The following EFCAB13 variants were observed in gnomAD, a reference collection of about 807,000 sequenced individuals.
EFCAB13 encodes EF-hand calcium-binding domain-containing protein 13.
Under a neutral mutation model 110.2 loss-of-function variants are expected in EFCAB13, and 91 were observed. The ratio of observed to expected loss-of-function variants is 0.83; its 90% CI spans 0.70 to 0.98. EFCAB13 has a LOEUF of 0.98. Ranked by LOEUF, EFCAB13 falls within the 50% of genes least tolerant of loss-of-function variation. The pLI is 0.00. For synonymous variants in EFCAB13, 323 were observed against 369.9 expected (o/e 0.87, Z 1.45); for missense variants, 968 against 1,119.4 (o/e 0.86, Z 1.93).
chr17:47,341,650 C>T (rs1025446822), intron 5 of EFCAB13, among the ~76,000 whole-genome samples: 2 of 151,960 alleles, frequency 1.3e-5, no homozygotes, highest in Non-Finnish European at 2.9e-5. Context: ...TGTGCACCTC[C>T]GTACCCAGCC....
At chr17:47,411,662 T>A (rs1328598213) in intron 21 of EFCAB13, among the ~76,000 whole-genome samples, 1 of 152,188 alleles carries the variant, frequency 6.6e-6, no homozygotes, top group Non-Finnish European at 1.5e-5. Context: ...AGGTCTAAGA[T>A]GATATTATGG....
intron 10 of EFCAB13, among the ~76,000 whole-genome samples, chr17:47,362,332 G>A (rs2065518929): frequency 6.6e-6 from 1 of 152,190 alleles, no homozygotes; most frequent in Non-Finnish European, 1.5e-5. Flanking sequence ...CCAGAAGACA[G>A]GAGTGTGAGC....
chr17:47,386,971 A>G (rs554606282), intron 14 of EFCAB13, among the ~76,000 whole-genome samples: 1 of 135,908 alleles, frequency 7.4e-6, no homozygotes, highest in East Asian at 2.5e-4. Flanking sequence ...GGCTGCACCC[A>G]CTGCCCAACC....
At chr17:47,328,481 G>A in intron 4 of EFCAB13, 98 bp downstream of exon 4, 2 of 992,540 alleles carry the variant, frequency 2.0e-6, no homozygotes, top group Non-Finnish European at 1.5e-6. Context: ...AATTCATAGA[G>A]TAATAGTTAT....
chr17:47,352,705 T>A (rs903339513), intron 9 of EFCAB13, among the ~76,000 whole-genome samples: 1 of 152,210 alleles, frequency 6.6e-6, no homozygotes, highest in South Asian at 2.1e-4. Flanking sequence ...ATTAAGTTTT[T>A]GATCCATGAG....
Position 47,404,002 on chromosome 17 carries a change from T to C in EFCAB13, c.2142T>C (p.Leu714=). 1 of 1,594,550 alleles carries C rather than the reference T, an allele frequency of 6.3e-7. No homozygotes were observed. Among genetic ancestry groups the C allele is most frequent in the South Asian group, 1.2e-5 (1 of 86,398 alleles). ...KSPKEEVEKI[L]QSDFVSEDNM... ...CTAAAGAAGAGGTAGAGAAAATTCTTCAATCAGATTTTGTTTCTGGTAAGC... is the reference window on the plus strand; with the variant it reads ...CTAAAGAAGAGGTAGAGAAAATTCTCCAATCAGATTTTGTTTCTGGTAAGC... Residue 714 remains leucine, a synonymous_variant, in exon 19 of 25, where the codon CTT becomes CTC. Coordinates refer to ENST00000331493, the MANE Select transcript of EFCAB13 (RefSeq NM_152347.5).
At chr17:47,397,327 A>C (rs1256257971) in intron 17 of EFCAB13, among the ~76,000 whole-genome samples, 3 of 152,122 alleles carry the variant, frequency 2.0e-5, no homozygotes, top group Non-Finnish European at 2.9e-5. Context: ...AATGGTGCCC[A>C]GGCTGGAGTG....
At position 47,417,024 on chromosome 17, in the gene EFCAB13, A is replaced by G. The variant is rs930684300; in HGVS notation, c.2494+2105A>G. ...CTTCATTACTAATAGTCTACTGTTGAGTGGAAGCCTTATCAATAACATAAA... is the reference window on the plus strand; with the variant it reads ...CTTCATTACTAATAGTCTACTGTTGGGTGGAAGCCTTATCAATAACATAAA... On this transcript the variant is annotated intron_variant, in intron 23 of 24. Coordinates refer to ENST00000331493, the MANE Select transcript of EFCAB13 (RefSeq NM_152347.5). 9.8e-5 allele frequency among the ~76,000 whole-genome samples: 15 copies of G among 152,352 alleles called. 1 individual carries two copies. The highest frequency in any genetic ancestry group is 3.6e-4 in the African/African-American group (15 of 41,576).
chr17:47,400,255 C>G (rs2065771794), intron 17 of EFCAB13, among the ~76,000 whole-genome samples: 1 of 152,188 alleles, frequency 6.6e-6, no homozygotes, highest in Admixed American at 6.5e-5. Context: ...TTGTTTCAGG[C>G]TCTAACTTTG....
At chr17:47,378,656 A>T (rs2065629617) in intron 13 of EFCAB13, among the ~76,000 whole-genome samples, 1 of 152,178 alleles carries the variant, frequency 6.6e-6, no homozygotes, top group African/African-American at 2.4e-5. Context: ...ATCAGGATTG[A>T]CATGATCACT....
intron 10 of EFCAB13, among the ~76,000 whole-genome samples, chr17:47,362,268 A>G (rs535889476): frequency 6.6e-6 from 1 of 152,286 alleles, no homozygotes; most frequent in Admixed American, 6.5e-5. Flanking sequence ...ATCATAACCT[A>G]GGAAAAATCA....
Position 47,324,021 on chromosome 17 carries a change from C to T in EFCAB13, c.-371C>T, listed in dbSNP as rs2065264965. On this transcript the variant is annotated 5_prime_UTR_variant, in exon 1 of 25. Coordinates refer to ENST00000331493, the MANE Select transcript of EFCAB13 (RefSeq NM_152347.5). ...CCGCCCGAGGGGCGGCAGGGGCTGA[C>T]CACAGAGAGCGCGGGGGCCTCCAGC... The T allele has an allele frequency of 1.3e-5, 2 of 152,548 alleles. No individual in the cohort carries two copies. Among genetic ancestry groups the T allele is most frequent in the Admixed American group, 6.5e-5 (1 of 15,276 alleles). 9.4% of individuals were successfully genotyped at this position (152,548 alleles called of 1,614,324 possible).
intron 9 of EFCAB13, among the ~76,000 whole-genome samples, chr17:47,353,068 CT>C (rs554990923): frequency 2.0e-5 from 3 of 151,882 alleles, no homozygotes; most frequent in African/African-American, 7.2e-5. Flanking sequence ...ATGCCTGTTA[CT>C]TTTTTTTCTC....
At chr17:47,388,584 T>G (rs2065689223) in intron 14 of EFCAB13, among the ~76,000 whole-genome samples, 1 of 152,214 alleles carries the variant, frequency 6.6e-6, no homozygotes, top group African/African-American at 2.4e-5. Context: ...TATCGGTAGT[T>G]CATCCCCTTT....
intron 23 of EFCAB13, among the ~76,000 whole-genome samples, chr17:47,423,917 G>C (rs574718305): frequency 1.3e-4 from 20 of 152,104 alleles, no homozygotes; most frequent in African/African-American, 4.8e-4. Context: ...GTTCCTGGGC[G>C]GCCCGGCCAG....
chr17:47,432,890 G>A (rs190851304), intron 24 of EFCAB13, among the ~76,000 whole-genome samples: 34 of 152,250 alleles, frequency 2.2e-4, no homozygotes, highest in African/African-American at 7.7e-4. Flanking sequence ...CAGAGTTCCT[G>A]TGTACCCTAC....
chr17:47,432,005 C>T (rs1005957551), intron 24 of EFCAB13, among the ~76,000 whole-genome samples: 8 of 152,130 alleles, frequency 5.3e-5, no homozygotes, highest in African/African-American at 1.9e-4. Context: ...CCTGTAATCC[C>T]AGCACTTTGG....
chr17:47,364,400 G>A lies in EFCAB13; in HGVS notation c.805+2879G>A, dbSNP rs370255946. 7.5e-5 allele frequency among the ~76,000 whole-genome samples: 11 copies of A among 146,380 alleles called. No homozygotes were observed. The East Asian group carries it at 1.2e-3, about 16-fold the overall frequency. On this transcript the variant is annotated intron_variant, in intron 10 of 24. Coordinates refer to ENST00000331493, the MANE Select transcript of EFCAB13 (RefSeq NM_152347.5). The stretch of plus-strand genomic sequence containing the variant: ...GTGATCTCGGCTCACTGCAACCTCC[G>A]ACTCCCTGGTTCAAGTGGTTCTCCT...
intron 3 of EFCAB13, among the ~76,000 whole-genome samples, chr17:47,327,144 TTTTC>T (rs957706181): frequency 2.2e-4 from 33 of 151,966 alleles, no homozygotes; most frequent in Non-Finnish European, 4.0e-4. Context: ...CTACACCATC[TTTTC>T]TTTCTTTATT....
Sources: allele counts gnomAD v4.1 joint callset (sites outside exome capture counted in the v4.1 genomes callset), GRCh38; gene constraint gnomAD v4.1.1; transcripts MANE v1.5; gene names NCBI Gene and HGNC (gene_info 2026-07-23, HGNC 2026-07-21).